C16orf96: variants seen among roughly 807,000 people sequenced by gnomAD.
C16orf96 encodes the protein uncharacterized protein C16orf96.
A neutral mutation model predicts 103.6 loss-of-function variants in C16orf96; 108 were observed. The ratio of observed to expected loss-of-function variants is 1.04; its 90% CI spans 0.89 to 1.22. The LOEUF (loss-of-function observed/expected upper bound fraction) is 1.22. C16orf96 is among the 50% of genes most tolerant of loss of function. C16orf96 has a pLI of 0.00. For synonymous variants in C16orf96, 566 were observed against 593.5 expected, an observed-to-expected ratio of 0.95 and a Z score of 0.67; for missense variants, 1,586 against 1,464.2, an observed-to-expected ratio of 1.08 and a Z score of -1.36.
intron 1 of C16orf96, chr16:4,560,640 C>T (rs1420518077): frequency 6.6e-6 from 1 of 151,992 alleles, no homozygotes; most frequent in Non-Finnish European, 1.5e-5. Flanking sequence ...GCAAGAGACA[C>T]ATTTAAGATT....
chr16:4,584,453 T>G (rs1308364356), intron 7 of C16orf96, among the ~76,000 whole-genome samples: 1 of 149,684 alleles, frequency 6.7e-6, no homozygotes, highest in Non-Finnish European at 1.5e-5. Flanking sequence ...GTTCAAGCAA[T>G]TCTTCTGCCT....
intron 9 of C16orf96, 98 bp downstream of exon 9, chr16:4,588,429 G>T (rs1896979812): frequency 2.2e-6 from 3 of 1,365,172 alleles, no homozygotes; most frequent in Admixed American, 2.5e-5. Flanking sequence ...GGAGGAGCAA[G>T]AATTTGGGAG....
intron 7 of C16orf96, 117 bp downstream of exon 7, chr16:4,580,242 C>A (rs2059567284): frequency 2.7e-6 from 2 of 727,970 alleles, no homozygotes; most frequent in Non-Finnish European, 4.3e-6. Flanking sequence ...GGCTGGGAAC[C>A]AGTGGGGCTT....
intron 8 of C16orf96, among the ~76,000 whole-genome samples, chr16:4,587,779 T>C (rs1454953680): frequency 2.6e-5 from 4 of 151,224 alleles, no homozygotes; most frequent in Non-Finnish European, 5.9e-5. Flanking sequence ...TACAAAAAAA[T>C]AAAAAAATGA....
chr16:4,558,280 C>A (rs981749569), intron 1 of C16orf96, among the ~76,000 whole-genome samples: 1 of 152,158 alleles, frequency 6.6e-6, no homozygotes, highest in Non-Finnish European at 1.5e-5. Flanking sequence ...CCGACCAGCA[C>A]GTGGACAGTG....
At position 4,563,006 on chromosome 16, in the gene C16orf96, C is replaced by T. The variant is rs571527662; in HGVS notation, c.420+6097C>T. On this transcript the variant is annotated intron_variant, in intron 1 of 15. Transcript: ENST00000444310. Reference sequence around the variant, plus strand: ...CGTACCTCATTTTCCCAATCTGAAACATGTTACCATCTCTGCTGCTGCTCC... The same window carrying T: ...CGTACCTCATTTTCCCAATCTGAAATATGTTACCATCTCTGCTGCTGCTCC... 8.3e-5 allele frequency: 89 copies of T among 1,077,254 alleles called. 1 individual carries two copies. Among genetic ancestry groups the T allele is most frequent in the Non-Finnish European group, 5.7e-6 (4 of 705,576 alleles). The allele number at this position is 1,077,254 out of a possible 1,614,324, so 66.7% of individuals were successfully genotyped here.
chr16:4,545,062 C>A, the C16orf96 span, among the ~76,000 whole-genome samples: 1 of 152,054 alleles, frequency 6.6e-6, no homozygotes, highest in East Asian at 1.9e-4. Context: ...TCATAATAGC[C>A]AAAAAGTCAA....
At chr16:4,558,472 G>A (rs983412584) in intron 1 of C16orf96, among the ~76,000 whole-genome samples, 3 of 152,032 alleles carry the variant, frequency 2.0e-5, no homozygotes, top group African/African-American at 4.8e-5. Context: ...TAAATTAGCC[G>A]GGTGTGGTGG....
rs1567139757 is a variant in C16orf96 at position 4,600,413 on chromosome 16, C to T, written c.*96C>T. ...CACTCCCACCAAGTCCCCTCCACATCGGAGGCTGAGGCCTATGTGGCCCCC... is the reference window on the plus strand; with the variant it reads ...CACTCCCACCAAGTCCCCTCCACATTGGAGGCTGAGGCCTATGTGGCCCCC... On this transcript the variant is annotated 3_prime_UTR_variant, in exon 16 of 16. Transcript: ENST00000444310. 1.0e-5 allele frequency: 9 copies of T among 891,766 alleles called. No homozygotes were observed. Among genetic ancestry groups the T allele is most frequent in the East Asian group, 2.7e-5 (1 of 37,602 alleles). The allele number at this position is 891,766 out of a possible 1,614,324, so 55.2% of individuals were successfully genotyped here.
chr16:4,578,922 C>G lies in C16orf96; in HGVS notation c.2156-18C>G, dbSNP rs745740172. 3 of 1,549,096 alleles carry G rather than the reference C, an allele frequency of 1.9e-6. No individual in the cohort carries two copies. The South Asian group carries it at 3.6e-5, about 18-fold the overall frequency. On this transcript the variant is annotated intron_variant, in intron 5 of 15. Coordinates refer to ENST00000444310, the MANE Select transcript of C16orf96 (RefSeq NM_001145011.2). ...CTCCATCCGAGCCCTCAGCAGCCAC[C>G]CTGTCCTCTGCTTTCAGCCAATATG... is the stretch of plus-strand genomic sequence containing the variant.
intron 14 of C16orf96, among the ~76,000 whole-genome samples, chr16:4,595,410 A>T (rs1324031035): frequency 6.6e-6 from 1 of 152,226 alleles, no homozygotes; most frequent in Non-Finnish European, 1.5e-5. Flanking sequence ...CGGGAGACCC[A>T]GAATTGTGCA....
Position 4,594,374 on chromosome 16 carries a change from A to G in C16orf96, c.2891A>G (p.Gln964Arg), listed in dbSNP as rs1203035588. The change falls in exon 13 of 16, where the codon CAG becomes CGG. Residue 964 changes from glutamine (Q) to arginine (R), a missense_variant. Physicochemically the swap from Gln to Arg is conservative, Grantham distance 43. Coordinates refer to ENST00000444310, the MANE Select transcript of C16orf96 (RefSeq NM_001145011.2). ...AGGGAACAGCAGTGGCTGCAGCTCC[A>G]GGACCTCGGTATCCAGGAGGATTGT... The part of the protein sequence containing the change: ...QMREQQWLQL[Q>R]DLGIQEDCQQ... The G allele has an allele frequency of 2.6e-6, 4 of 1,550,282 alleles. No homozygotes were observed. In the South Asian group the frequency reaches 4.8e-5, roughly 18 times the overall value.
upstream of C16orf96, among the ~76,000 whole-genome samples, chr16:4,552,279 C>T (rs992777324): frequency 5.9e-5 from 9 of 151,912 alleles, no homozygotes; most frequent in African/African-American, 1.9e-4. Flanking sequence ...GTCAGGAGCT[C>T]GAGACCAGCC....
At chr16:4,595,605 G>A (rs745611146) in intron 14 of C16orf96, among the ~76,000 whole-genome samples, 1 of 152,182 alleles carries the variant, frequency 6.6e-6, no homozygotes, top group Non-Finnish European at 1.5e-5. Flanking sequence ...GCCCCTGGGT[G>A]GGAGCTACAC....
In C16orf96 at chr16:4,592,359, G is replaced by A; in HGVS notation, c.2766G>A (p.Met922Ile). 1 of 1,551,634 alleles carries A rather than the reference G, an allele frequency of 6.4e-7. No individual in the cohort carries two copies. Among genetic ancestry groups the A allele is most frequent in the Non-Finnish European group, 8.7e-7 (1 of 1,146,984 alleles). ...CCTGTGACCGGCCTGTGGAGATGAT[G>A]ACTGGCCCGTGAGTACCACCGCCCA... ...CISCDRPVEM[M>I]TGPQLITIRK... is the part of the protein sequence containing the mutation. Residue 922 changes from methionine (M) to isoleucine (I), a missense_variant, in exon 11 of 16, where the codon ATG becomes ATA. Coordinates refer to ENST00000444310, the MANE Select transcript of C16orf96 (RefSeq NM_001145011.2).
Position 4,576,101 on chromosome 16 carries a change from G to A in C16orf96, c.1621G>A (p.Asp541Asn). 2 of 1,551,530 alleles carry A rather than the reference G, an allele frequency of 1.3e-6. No homozygotes were observed. Among genetic ancestry groups the A allele is most frequent in the Non-Finnish European group, 1.7e-6 (2 of 1,146,936 alleles). Reference sequence around the variant, plus strand: ...AGGTGGCAAAGATGGGGACCCCAAGGATAGAGTTGGCAAGGATGGGGCCCC... The same window carrying A: ...AGGTGGCAAAGATGGGGACCCCAAGAATAGAGTTGGCAAGGATGGGGCCCC... ...DRGGKDGDPK[D>N]RVGKDGAPKE... Residue 541 changes from aspartate to asparagine, a missense_variant, in exon 5 of 16, where the codon GAT (aspartate) becomes AAT (asparagine). Coordinates refer to ENST00000444310, the MANE Select transcript of C16orf96 (RefSeq NM_001145011.2).
chr16:4,596,215 G>A (rs1033826903), intron 14 of C16orf96, among the ~76,000 whole-genome samples: 5 of 152,108 alleles, frequency 3.3e-5, no homozygotes, highest in Non-Finnish European at 7.4e-5. Flanking sequence ...GGCCGGGCAC[G>A]GTGGCTCACG....
At chr16:4,594,279 G>T in intron 12 of C16orf96, 72 bp from the exon 13 acceptor site, 2 of 1,494,746 alleles carry the variant, frequency 1.3e-6, no homozygotes, top group South Asian at 1.2e-5. Context: ...TGCTGGCCAG[G>T]CCCTTGGGGC....
intron 1 of C16orf96, among the ~76,000 whole-genome samples, chr16:4,568,702 C>T (rs1311602003): frequency 6.8e-6 from 1 of 147,342 alleles, no homozygotes; most frequent in Non-Finnish European, 1.5e-5. Flanking sequence ...AATCACAGCT[C>T]ACTTCAGCCT....
Sources: allele counts gnomAD v4.1 joint callset (sites outside exome capture counted in the v4.1 genomes callset), GRCh38; gene constraint gnomAD v4.1.1; transcripts MANE v1.5; gene names NCBI Gene and HGNC (gene_info 2026-07-23, HGNC 2026-07-21).